PCDH9: variants seen among roughly 807,000 people sequenced by gnomAD.
PCDH9 encodes the protein protocadherin 9, also known as protocadherin-9.
In PCDH9, 24 loss-of-function variants were observed where a neutral mutation model predicts 70.6. The observed-to-expected ratio is 0.34, with a 90% CI of 0.25 to 0.48. The LOEUF (loss-of-function observed/expected upper bound fraction) is 0.48, where lower values mean the gene tolerates loss of function less well. Ranked by LOEUF, PCDH9 falls within the 20% of genes least tolerant of loss-of-function variation. The probability of loss-of-function intolerance (pLI) is 0.99; values close to 1 mark genes in which losing one functional copy is unlikely to be tolerated. For synonymous variants in PCDH9, 562 were observed against 558.5 expected (o/e 1.01, Z -0.09); for missense variants, 1,281 against 1,503.6 (o/e 0.85, Z 2.45).
chr13:66,841,614 T>C (rs1450475244), intron 3 of PCDH9, among the ~76,000 whole-genome samples: 1 of 152,220 alleles, frequency 6.6e-6, no homozygotes, highest in Non-Finnish European at 1.5e-5. Flanking sequence ...AAAAGTCTGA[T>C]CTATAACCCA....
chr13:66,669,965 A>G lies in PCDH9; in HGVS notation c.3139-38554T>C, dbSNP rs1334076430. Among the ~76,000 whole-genome samples, 3 of 152,156 alleles carry G rather than the reference A, an allele frequency of 2.0e-5. No individual in the cohort carries two copies. The East Asian group carries it at 5.8e-4, about 29-fold the overall frequency. ...TTTGTTTTTTTGTAAATGAGGCATA[A>G]AGAGCTTTGTGCACTTCAGTCTCCA... On this transcript the variant is annotated intron_variant, in intron 3 of 4. Transcript: ENST00000377865.
intron 3 of PCDH9, among the ~76,000 whole-genome samples, chr13:66,729,742 T>C (rs2079048632): frequency 6.6e-6 from 1 of 152,164 alleles, no homozygotes; most frequent in South Asian, 2.1e-4. Context: ...AGCTAATTCC[T>C]ACTGCTTTTT....
chr13:67,199,862 T>C (rs2089166434), intron 2 of PCDH9, among the ~76,000 whole-genome samples: 1 of 152,092 alleles, frequency 6.6e-6, no homozygotes, highest in South Asian at 2.1e-4. Flanking sequence ...CTCTGTTTTG[T>C]GTGCAGCATG....
chr13:66,925,347 A>G (rs1185422729), intron 2 of PCDH9, among the ~76,000 whole-genome samples: 1 of 151,866 alleles, frequency 6.6e-6, no homozygotes, highest in East Asian at 1.9e-4. Flanking sequence ...TACCGTATCT[A>G]TAATATACAC....
chr13:66,902,014 T>TGA (rs1229908994), intron 3 of PCDH9, among the ~76,000 whole-genome samples: 1 of 151,702 alleles, frequency 6.6e-6, no homozygotes, highest in Non-Finnish European at 1.5e-5. Flanking sequence ...TCTTTACTTA[T>TGA]GAGAAAAAAT....
chr13:66,584,898 G>A (rs996114441), intron 4 of PCDH9, among the ~76,000 whole-genome samples: 6 of 152,046 alleles, frequency 3.9e-5, no homozygotes, highest in Admixed American at 2.0e-4. Flanking sequence ...AGAACAGTGC[G>A]AAAAGAAGGT....
At chr13:66,747,506 G>A (rs2079389015) in intron 3 of PCDH9, among the ~76,000 whole-genome samples, 2 of 152,088 alleles carry the variant, frequency 1.3e-5, no homozygotes, top group Admixed American at 6.6e-5. Context: ...TAAAGGATCC[G>A]TTTAAGTGTT....
intron 2 of PCDH9, among the ~76,000 whole-genome samples, chr13:67,070,729 A>T (rs1285600181): frequency 6.6e-6 from 1 of 152,192 alleles, no homozygotes; most frequent in African/African-American, 2.4e-5. Context: ...TTTTACAAAA[A>T]ATCACTGTGA....
At chr13:67,157,172 C>G (rs1288497133) in intron 2 of PCDH9, among the ~76,000 whole-genome samples, 1 of 152,180 alleles carries the variant, frequency 6.6e-6, no homozygotes, top group African/African-American at 2.4e-5. Context: ...GATAAACACA[C>G]TCCTTCCTGA....
intron 4 of PCDH9, among the ~76,000 whole-genome samples, chr13:66,421,760 G>A (rs929549306): frequency 1.3e-5 from 2 of 152,050 alleles, no homozygotes; most frequent in Admixed American, 6.6e-5. Flanking sequence ...CCAACTGGGG[G>A]GAAAATAACC....
chr13:66,636,161 A>G (rs1276163183), intron 3 of PCDH9, among the ~76,000 whole-genome samples: 1 of 152,168 alleles, frequency 6.6e-6, no homozygotes, highest in Non-Finnish European at 1.5e-5. Context: ...TCATGTGATT[A>G]TGATATTCAA....
At chr13:66,515,078 A>G (rs1255240947) in intron 4 of PCDH9, among the ~76,000 whole-genome samples, 1 of 152,050 alleles carries the variant, frequency 6.6e-6, no homozygotes, top group African/African-American at 2.4e-5. Flanking sequence ...GTTCTTTAGC[A>G]TCTAACTTTA....
intron 3 of PCDH9, among the ~76,000 whole-genome samples, chr13:66,688,169 A>G (rs759895902): frequency 6.6e-6 from 1 of 152,004 alleles, no homozygotes; most frequent in Admixed American, 6.6e-5. Flanking sequence ...TTTTACAACT[A>G]TTTGTGCACT....
chr13:66,335,848 G>A (rs1368986952), intron 4 of PCDH9, among the ~76,000 whole-genome samples: 1 of 152,032 alleles, frequency 6.6e-6, no homozygotes, highest in Non-Finnish European at 1.5e-5. Flanking sequence ...AAGTACACGG[G>A]GGTGTCTACT....
In PCDH9 at chr13:66,562,891, A is replaced by G. The variant is rs556240704; in HGVS notation, c.3340+68319T>C. Among the ~76,000 whole-genome samples, 10 of 152,200 alleles carry G rather than the reference A, an allele frequency of 6.6e-5. No individual in the cohort carries two copies. The East Asian group carries it at 1.9e-3, about 29-fold the overall frequency. ...GCTTATACTCCTCATTCATATTAAAACTGGAGTATATGCATGTGTATGTTT... is the reference window on the plus strand; with the variant it reads ...GCTTATACTCCTCATTCATATTAAAGCTGGAGTATATGCATGTGTATGTTT... On this transcript the variant is annotated intron_variant, in intron 4 of 4. Transcript: ENST00000377865.
intron 3 of PCDH9, among the ~76,000 whole-genome samples, chr13:66,726,724 G>C (rs1012380410): frequency 6.6e-6 from 1 of 152,108 alleles, no homozygotes; most frequent in African/African-American, 2.4e-5. Flanking sequence ...CATTCATGTT[G>C]GTATCCAATG....
intron 4 of PCDH9, among the ~76,000 whole-genome samples, chr13:66,387,383 G>T (rs982310649): frequency 1.3e-5 from 2 of 151,932 alleles, no homozygotes; most frequent in Non-Finnish European, 2.9e-5. Context: ...TTGGATATTT[G>T]TGCCCTCCAA....
chr13:66,308,498 G>A (rs1386984947), intron 4 of PCDH9, among the ~76,000 whole-genome samples: 1 of 152,048 alleles, frequency 6.6e-6, no homozygotes, highest in African/African-American at 2.4e-5. Flanking sequence ...GGTCAGCCAT[G>A]CACAATGGCA....
chr13:66,696,305 A>G (rs953051426), intron 3 of PCDH9, among the ~76,000 whole-genome samples: 2 of 152,228 alleles, frequency 1.3e-5, no homozygotes, highest in Non-Finnish European at 2.9e-5. Flanking sequence ...CCAACTCAAT[A>G]TTCAGTTATC....
Sources: gnomAD v4.1 joint callset for allele counts (sites outside exome capture counted in the v4.1 genomes callset) on GRCh38, gnomAD v4.1.1 for gene constraint, MANE v1.5 for transcripts, NCBI Gene and HGNC (gene_info 2026-07-23, HGNC 2026-07-21) for gene names.